The following MGAT5B variants were observed in gnomAD, a reference collection of about 807,000 sequenced individuals.
MGAT5B encodes the protein alpha-1,6-mannosylglycoprotein 6-beta-N-acetylglucosaminyltransferase B, also known as N-acetylglucosaminyl-transferase Vb.
A neutral mutation model predicts 95.1 loss-of-function variants in MGAT5B; 54 were observed. The ratio of observed to expected loss-of-function variants is 0.57; its 90% CI spans 0.46 to 0.71. The LOEUF is 0.71. Among genes scored for constraint, MGAT5B ranks in the 30% least tolerant of loss-of-function variants. MGAT5B has a pLI of 0.00. For missense variants in MGAT5B, 935 were observed against 1,088.6 expected (o/e 0.86, Z 1.99); for synonymous variants, 464 against 451.0 (o/e 1.03, Z -0.36).
intron 10 of MGAT5B, among the ~76,000 whole-genome samples, chr17:76,931,478 T>C (rs1340626148): frequency 1.3e-5 from 2 of 152,130 alleles, no homozygotes; most frequent in Non-Finnish European, 2.9e-5. Context: ...ATAAAGCTGT[T>C]AGGGGACAAT....
Position 76,882,317 on chromosome 17 carries a change from G to A in MGAT5B, c.329+19G>A, listed in dbSNP as rs2145135346. ...CAGACAGGTGAGGGGACGTGGGGAG[G>A]AGGCACACGGAGCAGGGGAGCGGTG... On this transcript the variant is annotated intron_variant, in intron 3 of 17. Coordinates refer to ENST00000569840, the MANE Select transcript of MGAT5B (RefSeq NM_001199172.2). The A allele has an allele frequency of 8.8e-6, 14 of 1,589,134 alleles. No homozygotes were observed. The highest frequency in any genetic ancestry group is 1.2e-5 in the Non-Finnish European group (14 of 1,169,274).
In MGAT5B at chr17:76,905,670, C is replaced by T. The variant is rs1162620405; in HGVS notation, c.855+337C>T. The stretch of plus-strand genomic sequence containing the variant: ...TGCCTCCATTCTTCCTTCCCTCCTT[C>T]CTTCCCTCCCTCCCTCCCTCCACCC... On this transcript the variant is annotated intron_variant, in intron 7 of 17. Transcript: ENST00000569840. This position sits in a 1 kb window ranked among gnomAD's most constrained non-coding sequence, Gnocchi z 4.2. Among the ~76,000 whole-genome samples the T allele has an allele frequency of 6.6e-6, 1 of 152,118 alleles. No individual in the cohort carries two copies. Among genetic ancestry groups the T allele is most frequent in the African/African-American group, 2.4e-5 (1 of 41,418 alleles).
chr17:76,919,271 G>T (rs1969045418), intron 8 of MGAT5B, among the ~76,000 whole-genome samples: 1 of 152,182 alleles, frequency 6.6e-6, no homozygotes, highest in Non-Finnish European at 1.5e-5. Flanking sequence ...GTCCTTCCCT[G>T]GATATTTACA....
At chr17:76,872,646 G>A in intron 1 of MGAT5B, 1 of 1,466,872 alleles carries the variant, frequency 6.8e-7, no homozygotes, top group South Asian at 1.4e-5. Context: ...TGTGGCTCGA[G>A]GCCAGCATCT....
chr17:76,881,375 A>G (rs1359363953), intron 2 of MGAT5B, among the ~76,000 whole-genome samples: 1 of 152,192 alleles, frequency 6.6e-6, no homozygotes, highest in African/African-American at 2.4e-5. Flanking sequence ...GATCTTTGGA[A>G]ATCCAAAGAC....
chr17:76,887,729 G>A (rs1258343353), intron 3 of MGAT5B, among the ~76,000 whole-genome samples: 2 of 150,252 alleles, frequency 1.3e-5, no homozygotes, highest in African/African-American at 2.4e-5. Flanking sequence ...AATTTTTTTT[G>A]TATTTTTAGT....
At position 76,916,805 on chromosome 17, in the gene MGAT5B, G is replaced by C. The variant is rs1968955830; in HGVS notation, c.1026-8161G>C. 6.6e-6 allele frequency among the ~76,000 whole-genome samples: 1 copy of C among 152,170 alleles called. No individual in the cohort carries two copies. The highest frequency in any genetic ancestry group is 1.5e-5 in the Non-Finnish European group (1 of 68,030). On this transcript the variant is annotated intron_variant, in intron 8 of 17. Transcript: ENST00000569840. The surrounding 1 kb of genome is among the most constrained non-coding windows in gnomAD (Gnocchi z 5.3). The stretch of plus-strand genomic sequence containing the variant: ...TTCCTCTGCCAAGGACAGACCAAGA[G>C]AGCGTCTTGTCAGATGGTGGCTGGA...
rs1966917474 is a variant in MGAT5B, at chr17:76,869,552, A to C, written c.68+455A>C. On this transcript the variant is annotated intron_variant, in intron 1 of 17. Transcript: ENST00000569840. The surrounding 1 kb of genome is among the most constrained non-coding windows in gnomAD (Gnocchi z 7.0). ...TCTGCCCCTAGGTCGGCTACCCCCC[A>C]ACCCCTCCGCCTGTGCCACCCTCTC... is the stretch of plus-strand genomic sequence containing the variant. 2.0e-5 allele frequency among the ~76,000 whole-genome samples: 3 copies of C among 151,422 alleles called. No homozygotes were observed. Among genetic ancestry groups the C allele is most frequent in the African/African-American group, 7.3e-5 (3 of 41,248 alleles).
At chr17:76,924,800 G>A (rs1969244939) in intron 8 of MGAT5B, among the ~76,000 whole-genome samples, 166 bp from the exon 9 acceptor site, 1 of 152,162 alleles carries the variant, frequency 6.6e-6, no homozygotes, top group Non-Finnish European at 1.5e-5. Context: ...CTTGTGCAGT[G>A]AAAAACCTAC....
In MGAT5B at chr17:76,934,338, G is replaced by A. The variant is rs146357464; in HGVS notation, c.1428+1041G>A. Among the ~76,000 whole-genome samples, 1,236 of 152,256 alleles carry A rather than the reference G, an allele frequency of 8.1e-3. 13 individuals are homozygous for A. Among genetic ancestry groups the A allele is most frequent in the African/African-American group, 0.029 (1,189 of 41,562 alleles). ...AGAAGGTGACCCATAGCTAGTAAGC[G>A]CCGAGCTGATGTTCCAGCCTACATC... On this transcript the variant is annotated intron_variant, in intron 12 of 17. Coordinates refer to ENST00000569840, the MANE Select transcript of MGAT5B (RefSeq NM_001199172.2).
At chr17:76,874,616 G>A (rs1967120752) in intron 2 of MGAT5B, among the ~76,000 whole-genome samples, 1 of 152,160 alleles carries the variant, frequency 6.6e-6, no homozygotes, top group Admixed American at 6.5e-5. Flanking sequence ...GGGTCTAAGA[G>A]GTGGGAATTA....
intron 8 of MGAT5B, among the ~76,000 whole-genome samples, chr17:76,920,703 G>A (rs536410605): frequency 1.3e-4 from 20 of 152,032 alleles, no homozygotes; most frequent in African/African-American, 4.8e-4. Context: ...TGCTGTCTCC[G>A]GGCCGATTTG....
chr17:76,901,587 A>T (rs181765788), intron 3 of MGAT5B, among the ~76,000 whole-genome samples: 111 of 152,306 alleles, frequency 7.3e-4, no homozygotes, highest in Non-Finnish European at 1.4e-3. Context: ...TAAATCCTCC[A>T]AAAATAAAAG....
intron 16 of MGAT5B, 105 bp downstream of exon 16, chr17:76,946,555 A>G (rs1970035738): frequency 2.1e-6 from 2 of 934,552 alleles, no homozygotes; most frequent in African/African-American, 1.7e-5. Flanking sequence ...AAACCATCCA[A>G]CTCCCTGCTC....
Position 76,872,927 on chromosome 17 carries a change from C to T in MGAT5B, c.145C>T (p.Arg49Cys), listed in dbSNP as rs368618396. 1.1e-4 allele frequency: 170 copies of T among 1,614,106 alleles called. 1 individual carries two copies. Among genetic ancestry groups the T allele is most frequent in the East Asian group, 6.5e-4 (29 of 44,880 alleles). Residue 49 changes from arginine to cysteine, a missense_variant, in exon 2 of 18, where the codon CGC becomes TGC. Arg to Cys is a radical substitution (Grantham distance 180). Coordinates refer to ENST00000569840, the MANE Select transcript of MGAT5B (RefSeq NM_001199172.2). ...TCTGGGAGGCCAGTTCTCGGCCCGG[C>T]GCCTGGGGGACTCGCCATTCACCAT... is the stretch of plus-strand genomic sequence containing the variant. ...TSLGGQFSAR[R>C]LGDSPFTIRT...
chr17:76,882,634 T>G (rs1967471922), intron 3 of MGAT5B: 1 of 209,158 alleles, frequency 4.8e-6, no homozygotes, highest in Admixed American at 5.9e-5. Context: ...ACACACACAT[T>G]ATAAATTCAT....
At chr17:76,923,531 G>A (rs973367471) in intron 8 of MGAT5B, among the ~76,000 whole-genome samples, 1 of 152,162 alleles carries the variant, frequency 6.6e-6, no homozygotes, top group Non-Finnish European at 1.5e-5. Context: ...GAGCTGTTGA[G>A]AGAGGAAGAT....
At chr17:76,892,260 C>T (rs563419021) in intron 3 of MGAT5B, among the ~76,000 whole-genome samples, 1 of 152,164 alleles carries the variant, frequency 6.6e-6, no homozygotes, top group Non-Finnish European at 1.5e-5. Context: ...GTTGGCCAGG[C>T]TGGTCTCGAA....
At chr17:76,872,685 G>A (rs563032028) in intron 1 of MGAT5B, 166 bp from the exon 2 acceptor site, 10 of 1,529,454 alleles carry the variant, frequency 6.5e-6, no homozygotes, top group Non-Finnish European at 7.0e-6. Context: ...ATCCTATAGT[G>A]GGGGGGCCCT....
Sources: allele counts gnomAD v4.1 joint callset (sites outside exome capture counted in the v4.1 genomes callset), GRCh38; gene constraint gnomAD v4.1.1; non-coding constraint Gnocchi (gnomAD v3.1); transcripts MANE v1.5; gene names NCBI Gene and HGNC (gene_info 2026-07-23, HGNC 2026-07-21).